EXOSC10: variants seen among roughly 807,000 people sequenced by gnomAD.
EXOSC10 encodes the protein exosome complex component 10.
In EXOSC10, 94 loss-of-function variants were observed where a neutral mutation model predicts 126.6. That is an observed-to-expected ratio of 0.74 (90% CI 0.63 to 0.88). The LOEUF is 0.88. Ranked by LOEUF, EXOSC10 falls within the 40% of genes least tolerant of loss-of-function variation. The pLI is 0.00. For synonymous variants in EXOSC10, 395 were observed against 400.8 expected (o/e 0.99, Z 0.17); for missense variants, 1,041 against 1,100.5 (o/e 0.95, Z 0.77).
At position 11,087,759 on chromosome 1, in the gene EXOSC10, G is replaced by T. The variant is rs376351544; in HGVS notation, c.945+41C>A. 8.4e-6 allele frequency: 13 copies of T among 1,547,878 alleles called. No individual in the cohort carries two copies. The South Asian group carries it at 1.5e-4, about 18-fold the overall frequency. The stretch of plus-strand genomic sequence containing the variant: ...TACTTCTCCAACAGGTGAACTCACA[G>T]AAAAATGTAAAAATTTTACCCAGGG... On this transcript the variant is annotated intron_variant, in intron 8 of 24. Coordinates refer to ENST00000376936, the MANE Select transcript of EXOSC10 (RefSeq NM_001001998.3).
chr1:11,080,384 G>C (rs753316716), intron 13 of EXOSC10, 115 bp downstream of exon 13: 1 of 1,289,270 alleles, frequency 7.8e-7, no homozygotes, highest in African/African-American at 1.5e-5. Flanking sequence ...TCCAAGCTTG[G>C]AGCATTAATC....
intron 19 of EXOSC10, 29 bp from the exon 20 acceptor site, chr1:11,072,200 A>C (rs1639544574): frequency 6.4e-7 from 1 of 1,570,784 alleles, no homozygotes; most frequent in Non-Finnish European, 8.7e-7. Context: ...TAACAAAAAA[A>C]ACCCTCCAAA....
At chr1:11,097,869 C>A in intron 2 of EXOSC10, 151 bp downstream of exon 2, 1 of 729,032 alleles carries the variant, frequency 1.4e-6, no homozygotes, top group South Asian at 3.8e-5. Flanking sequence ...TAATATTTCC[C>A]TAATCAAAAT....
intron 21 of EXOSC10, chr1:11,070,521 CAAA>C (rs70977541): frequency 1.7e-4 from 19 of 112,786 alleles, no homozygotes; most frequent in East Asian, 4.8e-4. Context: ...GACACTACTT[CAAA>C]AAAAAAAAAA....
rs151047804 is a variant in EXOSC10, at chr1:11,082,327, GCA to G, written c.1280+359_1280+360del. Reference sequence around the variant, plus strand: ...TTTCCCACCTATGGAAGGTCATCTTGCACACACACACACACACACAATCATCC... The same window carrying G: ...TTTCCCACCTATGGAAGGTCATCTTGCACACACACACACACACAATCATCC... On this transcript the variant is annotated intron_variant, in intron 10 of 24. Transcript: ENST00000376936. 3.5e-4 allele frequency among the ~76,000 whole-genome samples: 53 copies of G among 149,340 alleles called. 1 individual carries two copies. The highest frequency in any genetic ancestry group is 1.2e-3 in the East Asian group (6 of 5,110).
At chr1:11,071,945 T>C in intron 20 of EXOSC10, 142 bp downstream of exon 20, 2 of 656,226 alleles carry the variant, frequency 3.0e-6, no homozygotes, top group South Asian at 1.8e-5. Flanking sequence ...CCAGGATAGA[T>C]ACTGATTGCC....
In EXOSC10 at chr1:11,080,604, ACG is replaced by A. The variant is rs1384664953; in HGVS notation, c.1587-57_1587-56del. 491 of 1,339,028 alleles carry A rather than the reference ACG, an allele frequency of 3.7e-4. 1 individual carries two copies. In the African/African-American group the frequency reaches 8.2e-3, roughly 22 times the overall value. 82.9% of individuals were successfully genotyped at this position (1,339,028 alleles called of 1,614,324 possible). ...CACACACACACACACACACACACAC[ACG>A]GTGGGGACACATTACATTCAGCCAG... On this transcript the variant is annotated intron_variant, in intron 12 of 24. Coordinates refer to ENST00000376936, the MANE Select transcript of EXOSC10 (RefSeq NM_001001998.3).
intron 12 of EXOSC10, 44 bp from the exon 13 acceptor site, chr1:11,080,593 C>G: frequency 1.3e-6 from 2 of 1,557,914 alleles, no homozygotes; most frequent in Non-Finnish European, 1.7e-6. Context: ...CACACACACA[C>G]ACACACACAC....
chr1:11,078,342 C>T (rs936054666), intron 14 of EXOSC10, among the ~76,000 whole-genome samples: 9 of 151,138 alleles, frequency 6.0e-5, no homozygotes, highest in African/African-American at 1.9e-4. Flanking sequence ...ACTGCAAGCT[C>T]CGCCTCCCGG....
chr1:11,082,526 T>C, intron 10 of EXOSC10, 162 bp downstream of exon 10: 4 of 1,454,648 alleles, frequency 2.7e-6, no homozygotes, highest in Admixed American at 2.7e-5. Flanking sequence ...CATTAAAAAA[T>C]TTCCTACCAC....
At chr1:11,093,697 T>C (rs528710037) in intron 3 of EXOSC10, among the ~76,000 whole-genome samples, 2 of 152,286 alleles carry the variant, frequency 1.3e-5, no homozygotes, top group East Asian at 3.9e-4. Context: ...GTTCAGTAGA[T>C]TTTGAGTAAC....
intron 3 of EXOSC10, 29 bp downstream of exon 3, chr1:11,095,729 C>G: frequency 6.2e-7 from 1 of 1,604,006 alleles, no homozygotes; most frequent in Non-Finnish European, 8.5e-7. Context: ...CAAAACAAAA[C>G]AAAAAAAAGA....
intron 17 of EXOSC10, among the ~76,000 whole-genome samples, chr1:11,075,093 T>C (rs1161522850): frequency 6.6e-6 from 1 of 152,118 alleles, no homozygotes; most frequent in Non-Finnish European, 1.5e-5. Flanking sequence ...AGTGCAGTGG[T>C]GCCATCTCTG....
chr1:11,091,700 C>T, intron 3 of EXOSC10, 103 bp from the exon 4 acceptor site: 2 of 884,744 alleles, frequency 2.3e-6, no homozygotes, highest in Non-Finnish European at 3.6e-6. Context: ...ACTCTGTCAC[C>T]CAGGCTGGAG....
chr1:11,071,868 A>G (rs113298819), intron 20 of EXOSC10: 2 of 73,752 alleles, frequency 2.7e-5, no homozygotes, highest in Non-Finnish European at 5.0e-5. Context: ...TCCAACCACC[A>G]ACGAGACAGC....
At chr1:11,097,898 C>A in intron 2 of EXOSC10, 122 bp downstream of exon 2, 4 of 995,022 alleles carry the variant, frequency 4.0e-6, no homozygotes, top group Non-Finnish European at 5.3e-6. Context: ...TCAATTTTCA[C>A]ATTTTATAGC....
Position 11,068,721 on chromosome 1 carries a change from A to G in EXOSC10, c.2489-15T>C, listed in dbSNP as rs372307902. 1.2e-6 allele frequency: 2 copies of G among 1,611,454 alleles called. No individual in the cohort carries two copies. Among genetic ancestry groups the G allele is most frequent in the African/African-American group, 2.7e-5 (2 of 74,888 alleles). The stretch of plus-strand genomic sequence containing the variant: ...TTTGCTGTTTCCTGAAAGGTAAGAG[A>G]TGAGAGAGACCTGCGGTCAGGTCAA... On this transcript the variant is annotated splice_polypyrimidine_tract_variant and intron_variant, in intron 22 of 24. Transcript: ENST00000376936.
chr1:11,098,078 G>C lies in EXOSC10; in HGVS notation c.190C>G (p.Arg64Gly). 6.2e-7 allele frequency: 1 copy of C among 1,611,778 alleles called. No homozygotes were observed. The highest frequency in any genetic ancestry group is 8.5e-7 in the Non-Finnish European group (1 of 1,179,296). Residue 64 changes from arginine to glycine, a missense_variant, in exon 2 of 25, where the codon CGA becomes GGA. Transcript: ENST00000376936. ...PQFGDEYDFYRSFPGFQAFCE... is the reference protein window; with the variant it reads ...PQFGDEYDFYGSFPGFQAFCE... The stretch of plus-strand genomic sequence containing the variant: ...AATGCTTGGAAGCCAGGAAAACTTC[G>C]GTAAAAATCATACTCATCGCCAAAC...
Position 11,068,502 on chromosome 1 carries a change from A to G in EXOSC10, c.2550+143T>C. 3 of 694,684 alleles carry G rather than the reference A, an allele frequency of 4.3e-6. No individual in the cohort carries two copies. The Admixed American group carries it at 7.1e-5, about 16-fold the overall frequency. 43.0% of individuals were successfully genotyped at this position (694,684 alleles called of 1,614,324 possible). A position where few individuals can be genotyped will look rare whatever the true frequency, so the allele number is the denominator to read the frequency against. ...TGAGTTGCTGGGGTAGCTGATCAGTACTGTCTGCCCTTGGGAAGAAATGAG... is the reference window on the plus strand; with the variant it reads ...TGAGTTGCTGGGGTAGCTGATCAGTGCTGTCTGCCCTTGGGAAGAAATGAG... On this transcript the variant is annotated intron_variant, in intron 23 of 24. Coordinates refer to ENST00000376936, the MANE Select transcript of EXOSC10 (RefSeq NM_001001998.3).
Sources: gnomAD v4.1 joint callset for allele counts (sites outside exome capture counted in the v4.1 genomes callset) on GRCh38, gnomAD v4.1.1 for gene constraint, MANE v1.5 for transcripts, NCBI Gene and HGNC (gene_info 2026-07-23, HGNC 2026-07-21) for gene names.